Variants in GJB3 observed in about 807,000 individuals in gnomAD.
GJB3 encodes gap junction protein beta 3, also known as gap junction beta-3 protein.
In GJB3, 6 loss-of-function variants were observed where a neutral mutation model predicts 8.1. The observed-to-expected ratio is 0.75, with a 90% CI of 0.41 to 1.47. GJB3 has a LOEUF of 1.47. Among genes scored for constraint, GJB3 ranks in the 40% most tolerant of loss-of-function variants. The probability of loss-of-function intolerance (pLI) is 0.02; values close to 1 mark genes in which losing one functional copy is unlikely to be tolerated. For synonymous variants in GJB3, 137 were observed against 156.4 expected (o/e 0.88, Z 0.93); for missense variants, 348 against 365.6 (o/e 0.95, Z 0.39).
rs931900941 is a variant in GJB3, at chr1:34,785,500, G to A, written c.738G>A (p.Val246=). Residue 246 remains valine (V), a synonymous_variant, in exon 2 of 2, where the codon GTG becomes GTA. Transcript: ENST00000373366. The surrounding 1 kb of genome is among the most constrained non-coding windows in gnomAD (Gnocchi z 4.7). ...CCTGCCGCTGCCACCACAAGCTGGTGGAGGCTGGGGAGGTGGATCCAGACC... is the reference window on the plus strand; with the variant it reads ...CCTGCCGCTGCCACCACAAGCTGGTAGAGGCTGGGGAGGTGGATCCAGACC... The part of the protein sequence containing the change: ...ASTCRCHHKL[V]EAGEVDPDPG... 28 of 1,614,012 alleles carry A rather than the reference G, an allele frequency of 1.7e-5. No individual in the cohort carries two copies. Among genetic ancestry groups the A allele is most frequent in the East Asian group, 6.7e-5 (3 of 44,862 alleles).
intron 1 of GJB3, among the ~76,000 whole-genome samples, chr1:34,783,643 G>T (rs1640050290): frequency 6.6e-6 from 1 of 152,168 alleles, no homozygotes. Context: ...GGCCTCGCAG[G>T]CATCACGCAT....
chr1:34,784,508 G>T (rs1282511145), intron 1 of GJB3, among the ~76,000 whole-genome samples: 1 of 152,180 alleles, frequency 6.6e-6, no homozygotes, highest in Non-Finnish European at 1.5e-5. Context: ...ATCAGCCAAA[G>T]CATATTTGCT....
chr1:34,784,967 T>C lies in GJB3; in HGVS notation c.205T>C (p.Phe69Leu). ...CACCAACGTCTGCTACGACAACTAC[T>C]TCCCCATCTCCAACATCCGCCTCTG... Reference protein sequence around the residue: ...GCTNVCYDNYFPISNIRLWAL... With the variant: ...GCTNVCYDNYLPISNIRLWAL... The change falls in exon 2 of 2, where the codon TTC becomes CTC. Residue 69 changes from phenylalanine to leucine, a missense_variant. Phe to Leu is a conservative substitution (Grantham distance 22). Transcript: ENST00000373366. The C allele has an allele frequency of 1.2e-6, 2 of 1,614,184 alleles. No individual in the cohort carries two copies. The highest frequency in any genetic ancestry group is 1.7e-6 in the Non-Finnish European group (2 of 1,180,018).
chr1:34,783,563 G>A (rs189370906), intron 1 of GJB3, among the ~76,000 whole-genome samples: 4 of 152,332 alleles, frequency 2.6e-5, no homozygotes, highest in African/African-American at 9.6e-5. Flanking sequence ...AGGGGCACAG[G>A]GGGAAGGTGA....
intron 1 of GJB3, among the ~76,000 whole-genome samples, chr1:34,784,444 G>A (rs1640064463): frequency 6.6e-6 from 1 of 152,212 alleles, no homozygotes; most frequent in African/African-American, 2.4e-5. Context: ...CTCATAAAGT[G>A]TTTAACTTCA....
At chr1:34,783,867 G>A (rs1640054744) in intron 1 of GJB3, among the ~76,000 whole-genome samples, 1 of 152,180 alleles carries the variant, frequency 6.6e-6, no homozygotes, top group South Asian at 2.1e-4. Context: ...CCACCACAAG[G>A]CCCTGGCAAC....
Position 34,785,113 on chromosome 1 carries a change from C to G in GJB3, c.351C>G (p.Tyr117Ter). 1 of 1,614,108 alleles carries G rather than the reference C, an allele frequency of 6.2e-7. No individual in the cohort carries two copies. The highest frequency in any genetic ancestry group is 8.5e-7 in the Non-Finnish European group (1 of 1,180,024). ...ACGGGGACCAGTGCGCCAAGCTGTA[C>G]GACAACGCAGGCAAGAAGCACGGAG... is the stretch of plus-strand genomic sequence containing the variant. ...QKHGDQCAKL[Y>*]DNAGKKHGGL... Residue 117 changes from tyrosine to a stop codon, truncating the protein, a stop_gained, in exon 2 of 2, where the codon TAC becomes TAG. Transcript: ENST00000373366. LOFTEE classifies it low-confidence loss of function (END_TRUNC). The surrounding 1 kb of genome is among the most constrained non-coding windows in gnomAD (Gnocchi z 4.7).
At position 34,785,935 on chromosome 1, in the gene GJB3, G is replaced by T; in HGVS notation, c.*360G>T. 1 of 312,594 alleles carries T rather than the reference G, an allele frequency of 3.2e-6. No individual in the cohort carries two copies. Among genetic ancestry groups the T allele is most frequent in the Non-Finnish European group, 6.4e-6 (1 of 156,536 alleles). The allele number at this position is 312,594 out of a possible 1,614,324, so 19.4% of individuals were successfully genotyped here. The stretch of plus-strand genomic sequence containing the variant: ...CCTGAGGACATAATGTGTAAGAGAG[G>T]TGAGAAGTGCTCCCAAGCAGACACA... On this transcript the variant is annotated 3_prime_UTR_variant, in exon 2 of 2. Coordinates refer to ENST00000373366, the MANE Select transcript of GJB3 (RefSeq NM_024009.3). The surrounding 1 kb of genome is among the most constrained non-coding windows in gnomAD (Gnocchi z 4.7).
intron 1 of GJB3, among the ~76,000 whole-genome samples, chr1:34,782,013 C>CA (rs1640018797): frequency 6.6e-6 from 1 of 152,188 alleles, no homozygotes; most frequent in African/African-American, 2.4e-5. Flanking sequence ...ACCCCCTCCC[C>CA]AAGTCCGCAA....
intron 1 of GJB3, 69 bp from the exon 2 acceptor site, chr1:34,784,669 G>A: frequency 1.0e-6 from 1 of 994,188 alleles, no homozygotes; most frequent in Non-Finnish European, 1.6e-6. Flanking sequence ...AACACTGCCT[G>A]GTACATAGTA....
intron 1 of GJB3, among the ~76,000 whole-genome samples, chr1:34,783,846 AG>A (rs1428929950): frequency 6.6e-6 from 1 of 152,150 alleles, no homozygotes; most frequent in Non-Finnish European, 1.5e-5. Context: ...GCCTGAACAA[AG>A]CACATCTTTC....
Position 34,782,383 on chromosome 1 carries a change from C to T in GJB3, c.-26+605C>T, listed in dbSNP as rs142937575. ...AAGCAGCCGTCAGGGTCCCTCTCTG[C>T]TCTCTGTCCGGACAGACAGGGCTCC... On this transcript the variant is annotated intron_variant, in intron 1 of 1. Coordinates refer to ENST00000373366, the MANE Select transcript of GJB3 (RefSeq NM_024009.3). 389 of 152,352 alleles carry T rather than the reference C, an allele frequency of 2.6e-3. 16 individuals carry two copies. In the East Asian group the frequency reaches 0.056, roughly 22 times the overall value. 9.4% of individuals were successfully genotyped at this position (152,352 alleles called of 1,614,324 possible).
chr1:34,782,709 A>G (rs558471594), intron 1 of GJB3, among the ~76,000 whole-genome samples: 1 of 152,144 alleles, frequency 6.6e-6, no homozygotes, highest in Non-Finnish European at 1.5e-5. Flanking sequence ...CAATCACCCC[A>G]TCCTGCCCAG....
At chr1:34,784,696 A>G (rs1215920227) in intron 1 of GJB3, 42 bp from the exon 2 acceptor site, 2 of 1,268,372 alleles carry the variant, frequency 1.6e-6, no homozygotes, top group Non-Finnish European at 2.3e-6. Context: ...CAATAAAGTC[A>G]CCTATTCATT....
At chr1:34,783,178 G>A (rs1409914296) in intron 1 of GJB3, among the ~76,000 whole-genome samples, 3 of 152,160 alleles carry the variant, frequency 2.0e-5, no homozygotes, top group Non-Finnish European at 4.4e-5. Context: ...AGCCTGGGAA[G>A]CAGAGGTTGC....
chr1:34,782,555 G>A (rs1330881388), intron 1 of GJB3: 2 of 152,150 alleles, frequency 1.3e-5, no homozygotes, highest in Admixed American at 6.5e-5. Context: ...CTTGGAAGTC[G>A]CCCAGCTACT....
In GJB3 at chr1:34,785,766, C is replaced by T. The variant is rs541330173; in HGVS notation, c.*191C>T. The T allele has an allele frequency of 5.0e-5, 31 of 614,396 alleles. No individual in the cohort carries two copies. The highest frequency in any genetic ancestry group is 5.9e-5 in the Non-Finnish European group (20 of 336,342). 38.1% of individuals were successfully genotyped at this position (614,396 alleles called of 1,614,324 possible). On this transcript the variant is annotated 3_prime_UTR_variant, in exon 2 of 2. Transcript: ENST00000373366. This position sits in a 1 kb window ranked among gnomAD's most constrained non-coding sequence, Gnocchi z 4.7. ...AGCCGGGTATAGGTAACCCACAGGC[C>T]CAGTGCCAGCCCTCAAAGGACATAG...
intron 1 of GJB3, chr1:34,782,128 G>A (rs554870543): frequency 6.6e-6 from 1 of 152,484 alleles, no homozygotes; most frequent in Non-Finnish European, 1.5e-5. Flanking sequence ...TACAGTCTGG[G>A]GGTCAGGGAA....
In GJB3 at chr1:34,784,920, G is replaced by T. The variant is rs370224208; in HGVS notation, c.158G>T (p.Cys53Phe). ...VWGDEQKDFD[C>F]NTKQPGCTNV... The stretch of plus-strand genomic sequence containing the variant: ...GGGGATGAGCAGAAGGACTTTGACT[G>T]CAACACCAAGCAGCCCGGCTGCACC... The change falls in exon 2 of 2, where the codon TGC (cysteine) becomes TTC (phenylalanine). Residue 53 changes from cysteine (C) to phenylalanine (F), a missense_variant. Physicochemically the swap from Cys to Phe is radical, Grantham distance 205 (BLOSUM62 -2). Transcript: ENST00000373366. The T allele has an allele frequency of 1.9e-6, 3 of 1,614,016 alleles. No homozygotes were observed. In the African/African-American group the frequency reaches 4.0e-5, roughly 22 times the overall value.
Sources: gnomAD v4.1 joint callset for allele counts (sites outside exome capture counted in the v4.1 genomes callset) on GRCh38, gnomAD v4.1.1 for gene constraint, Gnocchi (gnomAD v3.1) non-coding constraint, MANE v1.5 for transcripts, NCBI Gene and HGNC (gene_info 2026-07-23, HGNC 2026-07-21) for gene names.